The following TAF1 variants were observed in gnomAD, a reference collection of about 807,000 sequenced individuals.
TAF1 encodes the protein TATA-box binding protein associated factor 1.
TAF1 carries 2 observed loss-of-function variants against 138.5 expected under a neutral mutation model. The observed-to-expected ratio is 0.01, with a 90% CI of 0.01 to 0.05. The LOEUF is 0.05. Among genes scored for constraint, TAF1 ranks in the 10% least tolerant of loss-of-function variants. The pLI, the probability that TAF1 is intolerant of heterozygous loss-of-function variation, is 1.00. For synonymous variants in TAF1, 437 were observed against 503.2 expected (o/e 0.87, Z 1.76); for missense variants, 709 against 1,478.0 (o/e 0.48, Z 8.53).
At chrX:71,429,187 A>G (rs1268710783) in intron 32 of TAF1, among the ~76,000 whole-genome samples, 3 of 110,450 alleles carry the variant, frequency 2.7e-5, no homozygotes, top group Non-Finnish European at 5.7e-5. Flanking sequence ...AGGCAGGAGA[A>G]TGGTGTGAAC....
At chrX:71,406,842 G>T (rs915268622) in intron 26 of TAF1, 96 bp downstream of exon 26, 4 of 633,589 alleles carry the variant, frequency 6.3e-6, no homozygotes, top group Non-Finnish European at 9.6e-6. Flanking sequence ...TTCTCCAGTT[G>T]CCTTGCCCTG....
Position 71,401,015 on chromosome X carries a change from G to A in TAF1, c.3787-513G>A, listed in dbSNP as rs899533814. On this transcript the variant is annotated intron_variant, in intron 24 of 37. Coordinates refer to ENST00000423759, the MANE Select transcript of TAF1 (RefSeq NM_004606.5). ...CAGGCTGATGATGCTGCTGAATGTA[G>A]ATGGGCTTCCAACAGCTTGTCTCCT... Among the ~76,000 whole-genome samples the A allele has an allele frequency of 2.7e-5, 3 of 112,301 alleles. No individual in the cohort carries two copies. In the Admixed American group the frequency reaches 2.9e-4, roughly 11 times the overall value.
chrX:71,382,351 G>T (rs138921141), intron 9 of TAF1, among the ~76,000 whole-genome samples, 185 bp from the exon 10 acceptor site: 1 of 106,721 alleles, frequency 9.4e-6, no homozygotes, highest in East Asian at 3.1e-4. Flanking sequence ...GGGATGAAAA[G>T]ATACAGGTGT....
chrX:71,449,299 A>G, intron 32 of TAF1, among the ~76,000 whole-genome samples: 1 of 110,943 alleles, frequency 9.0e-6, no homozygotes, highest in Non-Finnish European at 1.9e-5. Context: ...CTAATTTTGT[A>G]TTTTTAGTAG....
intron 33 of TAF1, among the ~76,000 whole-genome samples, 183 bp downstream of exon 33, chrX:71,454,420 A>G (rs1425523695): frequency 2.7e-5 from 3 of 111,406 alleles, no homozygotes; most frequent in Non-Finnish European, 5.7e-5. Flanking sequence ...AGTCATGACC[A>G]TATCTCTGCA....
chrX:71,501,725 T>C (rs775891827), intron 13 of TAF1, among the ~76,000 whole-genome samples: 33 of 110,821 alleles, frequency 3.0e-4, no homozygotes, highest in Non-Finnish European at 5.3e-4. Context: ...GAGTTGGGGG[T>C]TGTTACAGAG....
At chrX:71,405,495 C>T (rs1360056606) in intron 25 of TAF1, among the ~76,000 whole-genome samples, 1 of 111,155 alleles carries the variant, frequency 9.0e-6, no homozygotes, top group Non-Finnish European at 1.9e-5. Flanking sequence ...GTACTACAGG[C>T]ACGTGCTGCC....
chrX:71,491,608 C>T (rs2039284995), intron 13 of TAF1: 1 of 109,621 alleles, frequency 9.1e-6, no homozygotes, highest in South Asian at 3.9e-4. Context: ...AAACAAAAGG[C>T]AAAGAGAATC....
At chrX:71,388,641 G>A in intron 16 of TAF1, 97 bp from the exon 17 acceptor site, 3 of 1,126,177 alleles carry the variant, frequency 2.7e-6, no homozygotes, top group Non-Finnish European at 3.6e-6. Context: ...GGCTAGGCCT[G>A]TTACAGTTTT....
At chrX:71,473,506 A>T (rs1000000679) in intron 13 of TAF1, among the ~76,000 whole-genome samples, 9 of 110,309 alleles carry the variant, frequency 8.2e-5, no homozygotes, top group African/African-American at 3.0e-4. Context: ...TCTTAAAAAA[A>T]ATTTTTTTTT....
At chrX:71,467,339 C>T (rs890323270), downstream of TAF1, among the ~76,000 whole-genome samples, 2 of 110,244 alleles carry the variant, frequency 1.8e-5, no homozygotes, top group Non-Finnish European at 1.9e-5. Context: ...AACTTCTGGG[C>T]TCAAGCAATC....
intron 13 of TAF1, among the ~76,000 whole-genome samples, chrX:71,527,531 G>A (rs2040021265): frequency 9.0e-6 from 1 of 111,313 alleles, no homozygotes; most frequent in African/African-American, 3.3e-5. Flanking sequence ...GAGGAGTTGC[G>A]GCAGATTAAG....
At chrX:71,367,936 G>A (rs955999827) in intron 2 of TAF1, 118 bp from the exon 3 acceptor site, 12 of 797,189 alleles carry the variant, frequency 1.5e-5, no homozygotes, top group Non-Finnish European at 2.2e-5. Flanking sequence ...CTTCCAAAGT[G>A]CTGGGATTAC....
chrX:71,380,715 A>G (rs1277908366), intron 8 of TAF1, among the ~76,000 whole-genome samples: 2 of 111,975 alleles, frequency 1.8e-5, no homozygotes, highest in Non-Finnish European at 3.8e-5. Context: ...CTTTTTTGAG[A>G]CAAGAGTCTC....
chrX:71,489,676 CAAA>C (rs749457938), intron 13 of TAF1, among the ~76,000 whole-genome samples: 1 of 51,005 alleles, frequency 2.0e-5, no homozygotes, highest in Non-Finnish European at 3.9e-5. Flanking sequence ...AACTCCGTTT[CAAA>C]AAAAAAAAAA....
chrX:71,390,979 G>A (rs1447578626), intron 18 of TAF1, among the ~76,000 whole-genome samples: 1 of 108,785 alleles, frequency 9.2e-6, no homozygotes, highest in African/African-American at 3.3e-5. Flanking sequence ...TGGACTAAAA[G>A]AACGAATCTC....
chrX:71,421,771 G>A (rs1413058097), intron 29 of TAF1, among the ~76,000 whole-genome samples: 1 of 112,172 alleles, frequency 8.9e-6, no homozygotes, highest in Non-Finnish European at 1.9e-5. Flanking sequence ...AGTGCTAGAA[G>A]TTTTAATTTT....
chrX:71,367,378 A>T, intron 1 of TAF1, 121 bp from the exon 2 acceptor site: 1 of 840,560 alleles, frequency 1.2e-6, no homozygotes, highest in Non-Finnish European at 1.7e-6. Context: ...TTGTTTTGGC[A>T]CACTGCACAG....
At chrX:71,375,829 C>T (rs1480796988) in intron 4 of TAF1, among the ~76,000 whole-genome samples, 2 of 112,234 alleles carry the variant, frequency 1.8e-5, no homozygotes, top group African/African-American at 3.2e-5. Context: ...GGATTACAGG[C>T]GTGAGCCACT....
Sources: allele counts gnomAD v4.1 joint callset (sites outside exome capture counted in the v4.1 genomes callset), GRCh38; gene constraint gnomAD v4.1.1; transcripts MANE v1.5; gene names NCBI Gene and HGNC (gene_info 2026-07-23, HGNC 2026-07-21).